Variants in MTUS2 observed in about 807,000 individuals in gnomAD.
MTUS2 encodes the protein microtubule-associated tumor suppressor candidate 2.
A neutral mutation model predicts 114.1 loss-of-function variants in MTUS2; 40 were observed. The ratio of observed to expected loss-of-function variants is 0.35; its 90% CI spans 0.27 to 0.46. The LOEUF (loss-of-function observed/expected upper bound fraction) is 0.46, where lower values mean the gene tolerates loss of function less well. Among genes scored for constraint, MTUS2 ranks in the 20% least tolerant of loss-of-function variants. The pLI, the probability that MTUS2 is intolerant of heterozygous loss-of-function variation, is 1.00. For missense variants in MTUS2, 1,679 were observed against 1,705.4 expected (o/e 0.98, Z 0.27); for synonymous variants, 688 against 672.0 (o/e 1.02, Z -0.37).
intron 5 of MTUS2, among the ~76,000 whole-genome samples, chr13:29,264,395 C>CA (rs1352679839): frequency 2.6e-5 from 4 of 152,230 alleles, no homozygotes; most frequent in Admixed American, 6.5e-5. Context: ...ATGGATCTAC[C>CA]ATTCTGGGGT....
chr13:29,396,410 C>A (rs1873920201), intron 8 of MTUS2, among the ~76,000 whole-genome samples: 1 of 152,050 alleles, frequency 6.6e-6, no homozygotes, highest in South Asian at 2.1e-4. Flanking sequence ...AGTGGGCATT[C>A]AGTAATATGT....
intron 6 of MTUS2, chr13:29,307,132 G>A (rs1899507312): frequency 4.2e-6 from 2 of 480,080 alleles, no homozygotes; most frequent in Admixed American, 2.6e-5. Context: ...AGCCAAAAGG[G>A]TCATCCTTTC....
chr13:28,990,826 C>G (rs894611545), intron 2 of MTUS2, among the ~76,000 whole-genome samples: 1 of 151,000 alleles, frequency 6.6e-6, no homozygotes, highest in Non-Finnish European at 1.5e-5. Context: ...CTGTTTGGGT[C>G]AGCACTACTT....
intron 7 of MTUS2, among the ~76,000 whole-genome samples, chr13:29,329,304 C>T (rs977620697): frequency 2.0e-5 from 3 of 151,538 alleles, no homozygotes; most frequent in Non-Finnish European, 1.5e-5. Flanking sequence ...CTGACAGGCC[C>T]GGGCTTGTGA....
intron 2 of MTUS2, among the ~76,000 whole-genome samples, chr13:29,021,473 T>A (rs572105957): frequency 2.0e-5 from 3 of 152,362 alleles, no homozygotes; most frequent in Non-Finnish European, 4.4e-5. Flanking sequence ...CTTGCAATCA[T>A]GTTACATGTT....
intron 8 of MTUS2, among the ~76,000 whole-genome samples, chr13:29,374,726 A>T (rs183156765): frequency 6.6e-6 from 1 of 152,206 alleles, no homozygotes; most frequent in East Asian, 1.9e-4. Context: ...AGGAAACCCC[A>T]TGTCTACTAA....
intron 2 of MTUS2, 102 bp from the exon 3 acceptor site, chr13:29,024,355 A>G (rs774896190): frequency 7.8e-6 from 2 of 255,186 alleles, no homozygotes; most frequent in Non-Finnish European, 1.5e-5. Flanking sequence ...ATTGAATGAA[A>G]TAATAATATA....
intron 4 of MTUS2, among the ~76,000 whole-genome samples, chr13:29,077,399 A>G (rs1889239690): frequency 6.6e-6 from 1 of 152,190 alleles, no homozygotes; most frequent in Non-Finnish European, 1.5e-5. Flanking sequence ...GTAAAATTAA[A>G]AAAAAAATGA....
At chr13:29,411,254 G>A (rs7321290) in intron 8 of MTUS2, among the ~76,000 whole-genome samples, 1,765 of 152,244 alleles carry the variant, frequency 0.012, 34 homozygotes, top group African/African-American at 0.04. Flanking sequence ...AGTTTGTTCC[G>A]GGGCACAAGG....
At chr13:28,861,412 G>T (rs1303277693) in intron 2 of MTUS2, among the ~76,000 whole-genome samples, 3 of 149,164 alleles carry the variant, frequency 2.0e-5, no homozygotes, top group African/African-American at 4.9e-5. Flanking sequence ...GTGTAGGCAT[G>T]TAGCCCTTCT....
At chr13:29,324,396 C>T (rs1333500767) in intron 6 of MTUS2, among the ~76,000 whole-genome samples, 3 of 152,170 alleles carry the variant, frequency 2.0e-5, no homozygotes, top group Non-Finnish European at 4.4e-5. Flanking sequence ...AGTGTCCTTA[C>T]TTCTCCCCTG....
At chr13:29,326,613 T>G (rs1900525831) in intron 7 of MTUS2, among the ~76,000 whole-genome samples, 1 of 151,994 alleles carries the variant, frequency 6.6e-6, no homozygotes, top group Non-Finnish European at 1.5e-5. Flanking sequence ...AAGAATACAA[T>G]AAGATATTAG....
At chr13:28,822,370 C>T (rs903352085) in intron 1 of MTUS2, among the ~76,000 whole-genome samples, 2 of 152,172 alleles carry the variant, frequency 1.3e-5, no homozygotes, top group Non-Finnish European at 2.9e-5. Flanking sequence ...AAACCCACTC[C>T]GGCATACGCA....
chr13:28,827,010 C>G (rs866819566), intron 1 of MTUS2, among the ~76,000 whole-genome samples: 7 of 152,330 alleles, frequency 4.6e-5, no homozygotes, highest in Middle Eastern at 3.4e-3. Flanking sequence ...AATAGCTTCT[C>G]AAGACAGGCA....
chr13:28,853,654 T>A (rs1158604837), intron 2 of MTUS2, among the ~76,000 whole-genome samples: 1 of 152,212 alleles, frequency 6.6e-6, no homozygotes, highest in Non-Finnish European at 1.5e-5. Context: ...ATAACCAAAT[T>A]GACCTTCACA....
intron 2 of MTUS2, among the ~76,000 whole-genome samples, chr13:28,876,474 C>T (rs1877937211): frequency 6.6e-6 from 1 of 152,198 alleles, no homozygotes; most frequent in Admixed American, 6.5e-5. Flanking sequence ...TTCTCCACAT[C>T]CCCAAGCCAT....
intron 2 of MTUS2, among the ~76,000 whole-genome samples, chr13:28,911,245 G>A (rs1880411948): frequency 7.1e-6 from 1 of 141,680 alleles, no homozygotes; most frequent in Admixed American, 7.4e-5. Context: ...GCACGATCTT[G>A]GCTCACTGCA....
intron 4 of MTUS2, among the ~76,000 whole-genome samples, chr13:29,079,832 C>T (rs932385231): frequency 6.6e-6 from 1 of 152,052 alleles, no homozygotes; most frequent in African/African-American, 2.4e-5. Context: ...GAGTATGAGC[C>T]CTCCAACTTT....
intron 5 of MTUS2, among the ~76,000 whole-genome samples, chr13:29,209,200 AT>A (rs1348283643): frequency 6.6e-6 from 1 of 151,694 alleles, no homozygotes; most frequent in Non-Finnish European, 1.5e-5. Flanking sequence ...CTTTTTTAAC[AT>A]TTTGCTTTAA....
Sources: gnomAD v4.1 joint callset for allele counts (sites outside exome capture counted in the v4.1 genomes callset) on GRCh38, gnomAD v4.1.1 for gene constraint, MANE v1.5 for transcripts, NCBI Gene and HGNC (gene_info 2026-07-23, HGNC 2026-07-21) for gene names.